DDHD1: variants seen among roughly 807,000 people sequenced by gnomAD.
DDHD1 encodes the protein phospholipase DDHD1.
DDHD1 carries 49 observed loss-of-function variants against 96.4 expected under a neutral mutation model. That is an observed-to-expected ratio of 0.51 (90% CI 0.40 to 0.64). The LOEUF (loss-of-function observed/expected upper bound fraction) is 0.64. Among genes scored for constraint, DDHD1 ranks in the 30% least tolerant of loss-of-function variants. The probability of loss-of-function intolerance (pLI) is 0.00; values close to 1 mark genes in which losing one functional copy is unlikely to be tolerated. For synonymous variants in DDHD1, 442 were observed against 446.5 expected (o/e 0.99, Z 0.13); for missense variants, 1,106 against 1,161.2 (o/e 0.95, Z 0.69).
At position 53,091,825 on chromosome 14, in the gene DDHD1, G is replaced by A. The variant is rs2139675094; in HGVS notation, c.1249C>T (p.Gln417Ter). The A allele has an allele frequency of 6.2e-7, 1 of 1,613,494 alleles. No homozygotes were observed. The highest frequency in any genetic ancestry group is 8.5e-7 in the Non-Finnish European group (1 of 1,179,734). Residue 417 changes from glutamine to a stop codon, truncating the protein, a stop_gained, in exon 4 of 13, where the codon CAG becomes TAG. Coordinates refer to ENST00000673822, the MANE Select transcript of DDHD1 (RefSeq NM_001160148.2). LOFTEE classifies it high-confidence loss of function. ...ATAATTCTTCCTTGGTCCATTTTCT[G>A]CCCAATGCCATGCACAACAAATACA... ...HIVFVVHGIGQKMDQGRIIKN... is the reference protein window; with the variant it reads ...HIVFVVHGIG
chr14:53,153,310 C>G lies in DDHD1; in HGVS notation c.-212G>C. 1 of 395,802 alleles carries G rather than the reference C, an allele frequency of 2.5e-6. No homozygotes were observed. The highest frequency in any genetic ancestry group is 4.3e-6 in the Non-Finnish European group (1 of 230,968). The allele number at this position is 395,802 out of a possible 1,614,324, so 24.5% of individuals were successfully genotyped here. On this transcript the variant is annotated 5_prime_UTR_variant, in exon 1 of 13. Transcript: ENST00000673822. ...GCCGCCGGCCCCATTGTCACGCAGC[C>G]CGACGTAGGCGGTGCTTCGGCCCCC... is the stretch of plus-strand genomic sequence containing the variant.
At chr14:53,068,536 C>T (rs186347010) in intron 6 of DDHD1, among the ~76,000 whole-genome samples, 12 of 152,258 alleles carry the variant, frequency 7.9e-5, no homozygotes, top group African/African-American at 2.2e-4. Flanking sequence ...CAGGCGTGTG[C>T]CACTACACCC....
chr14:53,072,802 T>G lies in DDHD1; in HGVS notation c.1397-99A>C, dbSNP rs569194416. On this transcript the variant is annotated intron_variant, in intron 5 of 12. Coordinates refer to ENST00000673822, the MANE Select transcript of DDHD1 (RefSeq NM_001160148.2). ...TTACGTTGCCTGAAATAGTAACTAT[T>G]TAAGTTAACATTTAAATATTCAAGA... The G allele has an allele frequency of 2.1e-5, 13 of 613,134 alleles. No individual in the cohort carries two copies. In the African/African-American group the frequency reaches 2.2e-4, roughly 10 times the overall value. 38.0% of individuals were successfully genotyped at this position (613,134 alleles called of 1,614,324 possible).
intron 1 of DDHD1, among the ~76,000 whole-genome samples, chr14:53,130,827 C>T (rs903592525): frequency 6.6e-6 from 1 of 152,252 alleles, no homozygotes; most frequent in Non-Finnish European, 1.5e-5. Flanking sequence ...CCAAGGCTCT[C>T]TGACTCCTTT....
intron 2 of DDHD1, among the ~76,000 whole-genome samples, chr14:53,101,008 G>A (rs746874744): frequency 6.6e-6 from 1 of 152,026 alleles, no homozygotes; most frequent in Non-Finnish European, 1.5e-5. Flanking sequence ...AAACCTTGTC[G>A]ATTTCTTTCA....
Position 53,043,174 on chromosome 14 carries a change from T to C in DDHD1, c.*3594A>G, listed in dbSNP as rs1294866124. ...CTGGAATATGGTGTGTTAAATTTTC[T>C]GCAGACTAGGATGCTTCAGCTCCCA... On this transcript the variant is annotated 3_prime_UTR_variant, in exon 13 of 13. Coordinates refer to ENST00000673822, the MANE Select transcript of DDHD1 (RefSeq NM_001160148.2). 1.3e-5 allele frequency: 2 copies of C among 152,194 alleles called. No homozygotes were observed. Among genetic ancestry groups the C allele is most frequent in the East Asian group, 3.9e-4 (2 of 5,192 alleles). 9.4% of individuals were successfully genotyped at this position (152,194 alleles called of 1,614,324 possible). A position where few individuals can be genotyped will look rare whatever the true frequency, so the allele number is the denominator to read the frequency against.
chr14:53,119,328 G>T (rs1208103428), intron 1 of DDHD1, among the ~76,000 whole-genome samples: 1 of 152,158 alleles, frequency 6.6e-6, no homozygotes, highest in African/African-American at 2.4e-5. Context: ...AACCTTAAAT[G>T]TAAATGGGCT....
intron 4 of DDHD1, among the ~76,000 whole-genome samples, chr14:53,081,772 C>T (rs921236319): frequency 6.6e-5 from 10 of 152,042 alleles, no homozygotes; most frequent in Admixed American, 3.3e-4. Context: ...TCCACAGGAT[C>T]GCTATCATAA....
intron 6 of DDHD1, among the ~76,000 whole-genome samples, chr14:53,067,011 G>T (rs1884080551): frequency 6.7e-6 from 1 of 149,232 alleles, no homozygotes; most frequent in South Asian, 2.1e-4. Context: ...CACCCCTTTT[G>T]TTCTTCACCA....
chr14:53,126,384 C>T (rs1889438964), intron 1 of DDHD1, among the ~76,000 whole-genome samples: 1 of 152,170 alleles, frequency 6.6e-6, no homozygotes, highest in Non-Finnish European at 1.5e-5. Flanking sequence ...CTTTTTGAGA[C>T]AGGGTCTCAC....
intron 1 of DDHD1, among the ~76,000 whole-genome samples, chr14:53,113,752 G>A (rs1888322591): frequency 6.6e-6 from 1 of 152,184 alleles, no homozygotes; most frequent in African/African-American, 2.4e-5. Context: ...AGATTATCTT[G>A]TGTGCCTACA....
chr14:53,152,113 G>GAATGGTGGCGTGTAGAT lies in DDHD1; in HGVS notation c.838+147_838+148insATCTACACGCCACCATT. 7 of 833,730 alleles carry GAATGGTGGCGTGTAGAT rather than the reference G, an allele frequency of 8.4e-6. No individual in the cohort carries two copies. In the Admixed American group the frequency reaches 9.6e-5, roughly 11 times the overall value. 51.6% of individuals were successfully genotyped at this position (833,730 alleles called of 1,614,324 possible). The stretch of plus-strand genomic sequence containing the variant: ...GCTCGTTTACCCTTCAGCTGCCGAC[G>GAATGGTGGCGTGTAGAT]CTCCCTGCTCAATCTCCATCCTGCC... On this transcript the variant is annotated intron_variant, in intron 1 of 12. Transcript: ENST00000673822.
At chr14:53,150,015 G>A (rs17126201) in intron 1 of DDHD1, 11,675 of 152,054 alleles carry the variant, frequency 0.077, 1,176 homozygotes, top group African/African-American at 0.23. Flanking sequence ...TCCCAAATGC[G>A]CCATTCATGT....
chr14:53,080,717 C>CTTCCTTTTTTTTTTTTTTTTTTTTTT (rs781757807), intron 4 of DDHD1, among the ~76,000 whole-genome samples: 1 of 89,538 alleles, frequency 1.1e-5, no homozygotes, highest in African/African-American at 5.2e-5. Context: ...TTCCTTCCCC[C>CTTCCTTTTTTTTTTTTTTTTTTTTTT]TTTTTTTTTT....
intron 12 of DDHD1, among the ~76,000 whole-genome samples, chr14:53,047,683 T>A (rs1163216794): frequency 6.6e-6 from 1 of 152,162 alleles, no homozygotes; most frequent in East Asian, 1.9e-4. Context: ...CACAAACAAT[T>A]CAGTGAATTC....
chr14:53,081,834 G>A (rs1478599903), intron 4 of DDHD1, among the ~76,000 whole-genome samples: 1 of 151,694 alleles, frequency 6.6e-6, no homozygotes, highest in Non-Finnish European at 1.5e-5. Context: ...GAATCATTTG[G>A]AGTACTGGAG....
chr14:53,131,967 CA>C (rs1889896515), intron 1 of DDHD1, among the ~76,000 whole-genome samples: 1 of 152,166 alleles, frequency 6.6e-6, no homozygotes, highest in Admixed American at 6.5e-5. Context: ...ACCCCTTCTA[CA>C]AAGCAAGAAC....
At chr14:53,137,321 G>A (rs1246363492) in intron 1 of DDHD1, among the ~76,000 whole-genome samples, 1 of 152,246 alleles carries the variant, frequency 6.6e-6, no homozygotes, top group Non-Finnish European at 1.5e-5. Context: ...GCCAGGTGCG[G>A]TGGCTCACGC....
intron 1 of DDHD1, among the ~76,000 whole-genome samples, chr14:53,112,143 G>A (rs1888157193): frequency 2.0e-5 from 3 of 152,084 alleles, no homozygotes; most frequent in Admixed American, 1.3e-4. Flanking sequence ...AGGGCCTGGC[G>A]TGGTGGCTCA....
Sources: gnomAD v4.1 joint callset for allele counts (sites outside exome capture counted in the v4.1 genomes callset) on GRCh38, gnomAD v4.1.1 for gene constraint, MANE v1.5 for transcripts, NCBI Gene and HGNC (gene_info 2026-07-23, HGNC 2026-07-21) for gene names.